PIGQ: variants seen among roughly 807,000 people sequenced by gnomAD.
The protein encoded by PIGQ is phosphatidylinositol glycan anchor biosynthesis class Q.
In PIGQ, 54 loss-of-function variants were observed where a neutral mutation model predicts 60.3. The ratio of observed to expected loss-of-function variants is 0.90; its 90% CI spans 0.72 to 1.12. The LOEUF is 1.12. Among genes scored for constraint, PIGQ ranks in the 50% most tolerant of loss-of-function variants. The pLI is 0.00. For synonymous variants in PIGQ, 416 were observed against 363.7 expected (o/e 1.14, Z -1.64); for missense variants, 799 against 793.5 (o/e 1.01, Z -0.08).
At position 574,045 on chromosome 16, in the gene PIGQ, G is replaced by T. The variant is rs536700422; in HGVS notation, c.-9-21G>T. ...GGGGGCAGCAGCAGCTCTGAGCCGA[G>T]CCTCTCCTCTTCTCTTCCAGCCTCC... On this transcript the variant is annotated intron_variant, in intron 1 of 10. Coordinates refer to ENST00000321878, the MANE Select transcript of PIGQ (RefSeq NM_004204.5). The T allele has an allele frequency of 7.0e-4, 1,088 of 1,544,888 alleles. 11 individuals are homozygous for T. The African/African-American group carries it at 0.01, about 15-fold the overall frequency.
Position 583,846 on chromosome 16 carries a change from G to T in PIGQ, c.*811G>T. 1.6e-6 allele frequency: 1 copy of T among 639,660 alleles called. No individual in the cohort carries two copies. Among genetic ancestry groups the T allele is most frequent in the Non-Finnish European group, 2.8e-6 (1 of 356,396 alleles). The allele number at this position is 639,660 out of a possible 1,614,324, so 39.6% of individuals were successfully genotyped here. A position where few individuals can be genotyped will look rare whatever the true frequency, so the allele number is the denominator to read the frequency against. On this transcript the variant is annotated 3_prime_UTR_variant, in exon 11 of 11. Coordinates refer to ENST00000321878, the MANE Select transcript of PIGQ (RefSeq NM_004204.5). ...GACACCTCTGTGGCCCCCCAGGAGT[G>T]TGAGTGGCCTGGGGAGGGGGCCGTG...
intron 10 of PIGQ, 127 bp from the exon 11 acceptor site, chr16:582,756 C>A: frequency 9.5e-7 from 1 of 1,056,272 alleles, no homozygotes; most frequent in Non-Finnish European, 1.4e-6. Context: ...GGACTGGCTT[C>A]TCCCACAGGC....
intron 1 of PIGQ, 102 bp from the exon 2 acceptor site, chr16:573,964 G>A: frequency 3.8e-6 from 3 of 780,520 alleles, no homozygotes; most frequent in Non-Finnish European, 6.0e-6. Context: ...CCCGACCTGG[G>A]GCCCTGTGGC....
chr16:582,675 G>T, intron 10 of PIGQ: 1 of 638,714 alleles, frequency 1.6e-6, no homozygotes, highest in East Asian at 2.7e-5. Context: ...CAGCCCCGAG[G>T]GGAGATGCAG....
chr16:576,386 C>A, intron 4 of PIGQ, 132 bp downstream of exon 4: 1 of 1,110,518 alleles, frequency 9.0e-7, no homozygotes, highest in Non-Finnish European at 1.3e-6. Context: ...GGAGACACGG[C>A]CCTCCCCTGA....
At position 583,421 on chromosome 16, in the gene PIGQ, C is replaced by T; in HGVS notation, c.*386C>T. ...TGGAGGGCTGGTCTCCCTGGGGGCT[C>T]CCCAGTGGCTCTGCCCTGGCTGTGG... On this transcript the variant is annotated 3_prime_UTR_variant, in exon 11 of 11. Transcript: ENST00000321878. 6.2e-7 allele frequency: 1 copy of T among 1,612,714 alleles called. No individual in the cohort carries two copies. The highest frequency in any genetic ancestry group is 8.5e-7 in the Non-Finnish European group (1 of 1,179,944).
intron 9 of PIGQ, chr16:581,728 C>CTGGGATTACAG (rs1285048440): frequency 6.4e-6 from 1 of 156,682 alleles, no homozygotes; most frequent in African/African-American, 2.6e-5. Context: ...TCCCAAAGTG[C>CTGGGATTACAG]TGGGATTACA....
At position 574,295 on chromosome 16, in the gene PIGQ, AGGAGAGCCTGGGCCGCTTCCT is replaced by A. The variant is rs770707223; in HGVS notation, c.234_254del (p.Arg79_Gly85del). The A allele has an allele frequency of 3.8e-5, 61 of 1,606,476 alleles. No individual in the cohort carries two copies. The South Asian group carries it at 5.6e-4, about 15-fold the overall frequency. ...TGGTGCCACTGCCGGCAGGAGCCCG[AGGAGAGCCTGGGCCGCTTCCT>A]GGAGAGCCTGGGTGCTGTCTTCCCC... On this transcript the variant is annotated inframe_deletion, in exon 2 of 11. Coordinates refer to ENST00000321878, the MANE Select transcript of PIGQ (RefSeq NM_004204.5).
rs745501858 is a variant in PIGQ, at chr16:583,316, C to T, written c.*281C>T. The T allele has an allele frequency of 1.9e-6, 3 of 1,612,566 alleles. No individual in the cohort carries two copies. The highest frequency in any genetic ancestry group is 2.5e-6 in the Non-Finnish European group (3 of 1,179,762). ...GTCACCATGGTGGCGAGCACAGCAA[C>T]CCCAGGTGTCCAGAGCACTGCCCCA... On this transcript the variant is annotated 3_prime_UTR_variant, in exon 11 of 11. Coordinates refer to ENST00000321878, the MANE Select transcript of PIGQ (RefSeq NM_004204.5).
In PIGQ at chr16:575,835, G is replaced by A. The variant is rs756477258; in HGVS notation, c.690-4G>A. 32 of 1,560,358 alleles carry A rather than the reference G, an allele frequency of 2.1e-5. No homozygotes were observed. The highest frequency in any genetic ancestry group is 7.5e-5 in the Admixed American group (4 of 53,358). On this transcript the variant is annotated splice_polypyrimidine_tract_variant and splice_region_variant and intron_variant, in intron 2 of 10. Coordinates refer to ENST00000321878, the MANE Select transcript of PIGQ (RefSeq NM_004204.5). ...ACACATCACTCCTCTCCACTCCCACGCAGAGTGTTCAAGCTCTGGCCCCTG... is the reference window on the plus strand; with the variant it reads ...ACACATCACTCCTCTCCACTCCCACACAGAGTGTTCAAGCTCTGGCCCCTG...
chr16:581,384 A>C, intron 9 of PIGQ: 1 of 1,157,088 alleles, frequency 8.6e-7, no homozygotes, highest in Non-Finnish European at 1.1e-6. Context: ...CGTCCACTCA[A>C]CAGCACAGCC....
chr16:579,394 A>C, intron 7 of PIGQ: 1 of 584,186 alleles, frequency 1.7e-6, no homozygotes, highest in Non-Finnish European at 3.1e-6. Context: ...GAAGAGACAG[A>C]CACACAGCCC....
chr16:570,499 T>C (rs2035602060), intron 1 of PIGQ: 1 of 152,200 alleles, frequency 6.6e-6, no homozygotes, highest in African/African-American at 2.4e-5. Context: ...GGAGTCTCGC[T>C]CTGTCGCCCA....
At chr16:578,584 C>G (rs2035758722) in intron 5 of PIGQ, 79 bp downstream of exon 5, 8 of 1,514,508 alleles carry the variant, frequency 5.3e-6, no homozygotes, top group Non-Finnish European at 6.3e-6. Flanking sequence ...ACCCCGCCCC[C>G]TGTGCCCCCA....
At chr16:579,284 C>T in intron 7 of PIGQ, 104 bp downstream of exon 7, 2 of 869,920 alleles carry the variant, frequency 2.3e-6, no homozygotes, top group Non-Finnish European at 3.7e-6. Flanking sequence ...TGCTCCCGTC[C>T]TGCAGCTGAG....
chr16:583,566 C>T lies in PIGQ; in HGVS notation c.*531C>T. On this transcript the variant is annotated 3_prime_UTR_variant, in exon 11 of 11. Coordinates refer to ENST00000321878, the MANE Select transcript of PIGQ (RefSeq NM_004204.5). ...GTCGCTGACCCCCGTCCCCAGCGGG[C>T]CCGGGCCCTCACTCCCTGAACCACA... 1 of 1,612,508 alleles carries T rather than the reference C, an allele frequency of 6.2e-7. No individual in the cohort carries two copies. The highest frequency in any genetic ancestry group is 8.5e-7 in the Non-Finnish European group (1 of 1,179,666).
At chr16:570,994 G>C (rs2035608301) in intron 1 of PIGQ, among the ~76,000 whole-genome samples, 1 of 150,990 alleles carries the variant, frequency 6.6e-6, no homozygotes, top group Non-Finnish European at 1.5e-5. Flanking sequence ...AGAGCACTCG[G>C]GCTCATTCTT....
At chr16:579,017 G>A in intron 6 of PIGQ, 52 bp from the exon 7 acceptor site, 1 of 1,442,508 alleles carries the variant, frequency 6.9e-7, no homozygotes, top group Non-Finnish European at 9.4e-7. Context: ...GAGTGGGGCG[G>A]GGGCGGGGCG....
intron 10 of PIGQ, 133 bp downstream of exon 10, chr16:582,442 AG>A (rs2035829283): frequency 1.5e-6 from 1 of 677,716 alleles, no homozygotes; most frequent in Non-Finnish European, 2.5e-6. Context: ...AGTGGAGCTG[AG>A]GGGGAAGGCC....
Sources: gnomAD v4.1 joint callset for allele counts (sites outside exome capture counted in the v4.1 genomes callset) on GRCh38, gnomAD v4.1.1 for gene constraint, MANE v1.5 for transcripts, NCBI Gene and HGNC (gene_info 2026-07-23, HGNC 2026-07-21) for gene names.